ABCC4: variants seen among roughly 807,000 people sequenced by gnomAD.
The protein encoded by ABCC4 is ATP-binding cassette sub-family C member 4.
Under a neutral mutation model 168.5 loss-of-function variants are expected in ABCC4, and 102 were observed. The ratio of observed to expected loss-of-function variants is 0.61; its 90% confidence interval spans 0.52 to 0.71. The LOEUF (loss-of-function observed/expected upper bound fraction) is 0.71. Ranked by LOEUF, ABCC4 falls within the 30% of genes least tolerant of loss-of-function variation. The pLI, the probability that ABCC4 is intolerant of heterozygous loss-of-function variation, is 0.00. For synonymous variants in ABCC4, 617 were observed against 590.7 expected (o/e 1.04, Z -0.65); for missense variants, 1,402 against 1,605.8 (o/e 0.87, Z 2.17).
At chr13:95,185,561 A>C (rs1045679813) in intron 11 of ABCC4, among the ~76,000 whole-genome samples, 1 of 152,218 alleles carries the variant, frequency 6.6e-6, no homozygotes, top group Non-Finnish European at 1.5e-5. Flanking sequence ...AGCCTTCTGC[A>C]TCACACCTGT....
intron 1 of ABCC4, among the ~76,000 whole-genome samples, chr13:95,287,967 G>A (rs905732766): frequency 7.9e-5 from 12 of 151,192 alleles, no homozygotes; most frequent in South Asian, 2.1e-4. Context: ...ACTTGAACCC[G>A]GGAGACGGAG....
chr13:95,122,679 T>TCCACCTA (rs940298804), intron 19 of ABCC4, among the ~76,000 whole-genome samples: 1 of 152,158 alleles, frequency 6.6e-6, no homozygotes, highest in Non-Finnish European at 1.5e-5. Flanking sequence ...CCTGCTTGCC[T>TCCACCTA]CCACCTACCA....
intron 5 of ABCC4, among the ~76,000 whole-genome samples, chr13:95,209,845 C>T (rs111574315): frequency 2.6e-5 from 4 of 152,208 alleles, no homozygotes; most frequent in South Asian, 2.1e-4. Flanking sequence ...ATGTCTTGAT[C>T]GTGACTATCT....
At chr13:95,291,011 G>C (rs866395585) in intron 1 of ABCC4, among the ~76,000 whole-genome samples, 1 of 22,824 alleles carries the variant, frequency 4.4e-5, no homozygotes, top group Non-Finnish European at 1.1e-4. Context: ...AAAAAAAAAA[G>C]AGGAAACCAT....
At chr13:95,071,612 T>A in intron 25 of ABCC4, 50 bp downstream of exon 25, 1 of 1,365,462 alleles carries the variant, frequency 7.3e-7, no homozygotes, top group South Asian at 2.1e-5. Flanking sequence ...CAAGCAGACA[T>A]AGCACTAAAT....
chr13:95,089,362 G>A (rs1410391684), intron 20 of ABCC4, among the ~76,000 whole-genome samples: 2 of 152,222 alleles, frequency 1.3e-5, no homozygotes, highest in Non-Finnish European at 2.9e-5. Flanking sequence ...ACTCACACCT[G>A]TAATCCCAGC....
At chr13:95,130,813 G>A (rs1321603765) in intron 19 of ABCC4, among the ~76,000 whole-genome samples, 1 of 152,122 alleles carries the variant, frequency 6.6e-6, no homozygotes, top group Non-Finnish European at 1.5e-5. Flanking sequence ...CTCTTCTCCC[G>A]TGTGCCTACA....
chr13:95,075,374 T>C, intron 22 of ABCC4, 58 bp downstream of exon 22: 2 of 1,609,540 alleles, frequency 1.2e-6, no homozygotes, highest in South Asian at 2.2e-5. Flanking sequence ...CCAGGGAGGT[T>C]AAGCCAGAAA....
intron 1 of ABCC4, among the ~76,000 whole-genome samples, chr13:95,294,736 C>T (rs574403190): frequency 2.6e-5 from 4 of 151,660 alleles, no homozygotes; most frequent in East Asian, 2.0e-4. Flanking sequence ...GTGGATCACC[C>T]GAGGTCAGGA....
chr13:95,108,118 A>C (rs925049790), intron 20 of ABCC4, among the ~76,000 whole-genome samples: 6 of 152,096 alleles, frequency 3.9e-5, no homozygotes, highest in Non-Finnish European at 8.8e-5. Context: ...CTTACTGACC[A>C]CTCAAAATGT....
At chr13:95,153,742 G>A (rs1289458942) in intron 19 of ABCC4, among the ~76,000 whole-genome samples, 1 of 152,114 alleles carries the variant, frequency 6.6e-6, no homozygotes, top group African/African-American at 2.4e-5. Context: ...GAACATTCTA[G>A]TAGATTAAAA....
At chr13:95,240,768 C>T (rs796195023) in intron 3 of ABCC4, among the ~76,000 whole-genome samples, 4 of 152,098 alleles carry the variant, frequency 2.6e-5, no homozygotes, top group African/African-American at 7.2e-5. Context: ...GTCAGGAGTT[C>T]GAGACCAGGC....
intron 25 of ABCC4, among the ~76,000 whole-genome samples, chr13:95,068,373 C>CCCAGCACTTTGGGAGGTCGAGG (rs978907962): frequency 2.6e-5 from 4 of 152,160 alleles, no homozygotes; most frequent in Non-Finnish European, 4.4e-5. Flanking sequence ...TGCCTGTAAT[C>CCCAGCACTTTGGGAGGTCGAGG]CCAGCACTTT....
At position 95,170,621 on chromosome 13, in the gene ABCC4, A is replaced by G. The variant is rs568068420; in HGVS notation, c.1735T>C (p.Cys579Arg). The G allele has an allele frequency of 1.9e-6, 3 of 1,606,302 alleles. No homozygotes were observed. Among genetic ancestry groups the G allele is most frequent in the Non-Finnish European group, 2.6e-6 (3 of 1,175,118 alleles). ...VSRHLFELCICQILHEKITIL... is the reference protein window; with the variant it reads ...VSRHLFELCIRQILHEKITIL... ...GTGATCTTCTCATGCAAAATTTGAC[A>G]AATACACCTATAAATGTAAAAGGCA... Residue 579 changes from cysteine (C) to arginine (R), a missense_variant, in exon 14 of 31, where the codon TGT (cysteine) becomes CGT (arginine). Coordinates refer to ENST00000645237, the MANE Select transcript of ABCC4 (RefSeq NM_005845.5).
chr13:95,178,164 C>G (rs1287096324), intron 11 of ABCC4, 73 bp from the exon 12 acceptor site: 9 of 1,350,424 alleles, frequency 6.7e-6, no homozygotes, highest in Non-Finnish European at 8.5e-6. Flanking sequence ...TTGTGTTCTT[C>G]CAAAGTTATC....
chr13:95,177,875 C>A (rs756797649), intron 12 of ABCC4, 82 bp from the exon 13 acceptor site: 9 of 1,502,536 alleles, frequency 6.0e-6, no homozygotes, highest in Non-Finnish European at 7.4e-6. Flanking sequence ...CAAATGCCAA[C>A]AGAATAACCC....
chr13:95,269,981 T>C (rs2040803363), intron 1 of ABCC4, among the ~76,000 whole-genome samples: 2 of 152,198 alleles, frequency 1.3e-5, no homozygotes, highest in South Asian at 4.1e-4. Flanking sequence ...AATTGATCAT[T>C]GTTGACAGAC....
At chr13:95,032,248 A>G (rs949263085) in intron 30 of ABCC4, among the ~76,000 whole-genome samples, 5 of 152,206 alleles carry the variant, frequency 3.3e-5, no homozygotes, top group Non-Finnish European at 7.3e-5. Flanking sequence ...TCTGCTAGCT[A>G]TGAGATCATG....
intron 19 of ABCC4, among the ~76,000 whole-genome samples, chr13:95,141,254 A>G (rs1427401091): frequency 2.0e-5 from 3 of 152,256 alleles, no homozygotes; most frequent in African/African-American, 7.2e-5. Context: ...TGAAGGGGTC[A>G]AGATATCAAA....
Sources: allele counts gnomAD v4.1 joint callset (sites outside exome capture counted in the v4.1 genomes callset), GRCh38; gene constraint gnomAD v4.1.1; transcripts MANE v1.5; gene names NCBI Gene and HGNC (gene_info 2026-07-23, HGNC 2026-07-21).